Variants in RBFOX1 observed in about 807,000 individuals in gnomAD.
RBFOX1 encodes RNA binding fox-1 homolog 1.
In RBFOX1, 8 loss-of-function variants were observed where a neutral mutation model predicts 57.7. The ratio of observed to expected loss-of-function variants is 0.14; its 90% CI spans 0.08 to 0.25. The LOEUF (loss-of-function observed/expected upper bound fraction) is 0.25, where lower values mean the gene tolerates loss of function less well. Ranked by LOEUF, RBFOX1 falls within the 10% of genes least tolerant of loss-of-function variation. The pLI is 1.00. For synonymous variants in RBFOX1, 326 were observed against 222.4 expected (o/e 1.47, Z -4.15); for missense variants, 611 against 548.5 (o/e 1.11, Z -1.14).
Position 7,064,490 on chromosome 16 carries a change from A to T in RBFOX1, c.27+12392A>T, listed in dbSNP as rs74250043. ...GGCTGGGTGGTGTTCTTATAAGAAG[A>T]GGAGATTAGGACATAGACACGCACA... On this transcript the variant is annotated intron_variant, in intron 4 of 15. Coordinates refer to ENST00000550418, the MANE Select transcript of RBFOX1 (RefSeq NM_018723.4). Among the ~76,000 whole-genome samples, 1,293 of 152,068 alleles carry T rather than the reference A, an allele frequency of 8.5e-3. 13 individuals are homozygous for T. The highest frequency in any genetic ancestry group is 0.017 in the Middle Eastern group (5 of 294).
At chr16:6,631,371 A>C (rs898340401) in intron 2 of RBFOX1, among the ~76,000 whole-genome samples, 1 of 152,064 alleles carries the variant, frequency 6.6e-6, no homozygotes, top group Non-Finnish European at 1.5e-5. Flanking sequence ...GATGAAGTAG[A>C]AATATTTTTT....
At chr16:6,298,491 A>G (rs11645065) in intron 1 of RBFOX1, among the ~76,000 whole-genome samples, 46,478 of 152,196 alleles carry the variant, frequency 0.31, 7,801 homozygotes, top group Middle Eastern at 0.39. Context: ...AGTTTTCACA[A>G]TAATCAGAGA....
chr16:6,394,788 C>T (rs191397618), intron 2 of RBFOX1, among the ~76,000 whole-genome samples: 1 of 152,090 alleles, frequency 6.6e-6, no homozygotes, highest in Admixed American at 6.5e-5. Flanking sequence ...CAGCCACGAT[C>T]CCCAAGGAGC....
intron 3 of RBFOX1, among the ~76,000 whole-genome samples, chr16:5,828,231 C>T (rs1208995512): frequency 6.6e-6 from 1 of 152,116 alleles, no homozygotes; most frequent in Non-Finnish European, 1.5e-5. Flanking sequence ...GTCCATTCAA[C>T]CACCCACAAA....
intron 1 of RBFOX1, among the ~76,000 whole-genome samples, chr16:6,189,304 C>T (rs751985738): frequency 2.0e-5 from 3 of 152,166 alleles, no homozygotes; most frequent in Non-Finnish European, 2.9e-5. Context: ...CCCTGGAGTC[C>T]GCATCAGGAC....
At chr16:7,486,204 C>A (rs1057396413) in intron 4 of RBFOX1, among the ~76,000 whole-genome samples, 4 of 140,360 alleles carry the variant, frequency 2.8e-5, no homozygotes, top group African/African-American at 1.1e-4. Flanking sequence ...CTCGCTGCAA[C>A]CTCTGACTCC....
chr16:6,797,630 G>A (rs1336194791), intron 3 of RBFOX1, among the ~76,000 whole-genome samples: 1 of 152,116 alleles, frequency 6.6e-6, no homozygotes, highest in East Asian at 1.9e-4. Context: ...TAGCATACTG[G>A]GCACTGTATC....
intron 3 of RBFOX1, among the ~76,000 whole-genome samples, chr16:6,918,920 C>G (rs1029319505): frequency 1.1e-4 from 17 of 152,090 alleles, no homozygotes; most frequent in African/African-American, 4.1e-4. Context: ...TGGCTGTGAT[C>G]TAGTTACGCA....
At chr16:6,054,561 G>GACACC (rs1169120499) in intron 1 of RBFOX1, among the ~76,000 whole-genome samples, 5 of 152,140 alleles carry the variant, frequency 3.3e-5, no homozygotes, top group African/African-American at 1.2e-4. Flanking sequence ...ACACTGGGTT[G>GACACC]ACACCCTGAC....
rs1271872183 is a variant in RBFOX1, at chr16:6,991,161, A to AAAAAAAAAC, written c.-15-60895_-15-60894insAAAAAAACA. ...CAAAAAAAAAAAAAAAAAAAAAAAA[A>AAAAAAAAAC]AGACACGGTGGCGTGTACCTTTAGT... On this transcript the variant is annotated intron_variant, in intron 3 of 15. Transcript: ENST00000550418. Among the ~76,000 whole-genome samples the AAAAAAAAAC allele has an allele frequency of 4.0e-3, 563 of 139,868 alleles. 16 individuals are homozygous for AAAAAAAAAC. The highest frequency in any genetic ancestry group is 7.5e-3 in the Middle Eastern group (2 of 266). The allele number at this position is 139,868 out of a possible 152,430, so 91.8% of individuals were successfully genotyped here. A position where few individuals can be genotyped will look rare whatever the true frequency, so the allele number is the denominator to read the frequency against.
chr16:5,459,346 C>A (rs941436160), intron 1 of RBFOX1, among the ~76,000 whole-genome samples: 1 of 152,166 alleles, frequency 6.6e-6, no homozygotes, highest in Admixed American at 6.5e-5. Context: ...TGACTGCATC[C>A]CATGCAGTGT....
At chr16:6,219,209 C>T (rs1489578449) in intron 1 of RBFOX1, among the ~76,000 whole-genome samples, 2 of 152,206 alleles carry the variant, frequency 1.3e-5, no homozygotes, top group Non-Finnish European at 2.9e-5. Context: ...TGGCTCACAC[C>T]TGTAATCCCA....
chr16:7,300,721 T>A (rs1416972415), intron 4 of RBFOX1, among the ~76,000 whole-genome samples: 1 of 152,234 alleles, frequency 6.6e-6, no homozygotes, highest in Non-Finnish European at 1.5e-5. Flanking sequence ...TCTTTTAAAT[T>A]GCTGGCAAAG....
intron 3 of RBFOX1, among the ~76,000 whole-genome samples, chr16:5,774,276 C>A (rs1055543249): frequency 6.6e-6 from 1 of 152,150 alleles, no homozygotes; most frequent in African/African-American, 2.4e-5. Context: ...CACAGACCAA[C>A]ATTCCTTTTC....
At chr16:6,216,235 A>T (rs2097335101) in intron 1 of RBFOX1, among the ~76,000 whole-genome samples, 1 of 152,108 alleles carries the variant, frequency 6.6e-6, no homozygotes, top group Admixed American at 6.6e-5. Context: ...CCCATGACAC[A>T]AGTTTACCTA....
intron 4 of RBFOX1, among the ~76,000 whole-genome samples, chr16:5,978,456 C>T (rs1015288489): frequency 6.6e-6 from 1 of 152,166 alleles, no homozygotes; most frequent in Admixed American, 6.5e-5. Context: ...TAACGTCATC[C>T]ATCAACAGGG....
At chr16:5,689,940 G>A (rs995046920) in intron 3 of RBFOX1, among the ~76,000 whole-genome samples, 1 of 152,222 alleles carries the variant, frequency 6.6e-6, no homozygotes, top group South Asian at 2.1e-4. Context: ...TTGACCTGGA[G>A]ACGTAGAGCA....
In RBFOX1 at chr16:7,097,716, A is replaced by T. The variant is rs1346130909; in HGVS notation, c.27+45618A>T. Among the ~76,000 whole-genome samples the T allele has an allele frequency of 2.0e-5, 3 of 152,302 alleles. No individual in the cohort carries two copies. The East Asian group carries it at 5.8e-4, about 29-fold the overall frequency. ...ACCTGCTCCCCAAACTTGCACAATG[A>T]TTCCTTCACAGATGCTGAGTCAGCA... On this transcript the variant is annotated intron_variant, in intron 4 of 15. Transcript: ENST00000550418.
At chr16:7,703,447 C>G (rs960747195) in intron 14 of RBFOX1, among the ~76,000 whole-genome samples, 2 of 150,522 alleles carry the variant, frequency 1.3e-5, no homozygotes, top group Admixed American at 6.6e-5. Context: ...ATTCACCCAG[C>G]TATCTCTGGG....
Sources: gnomAD v4.1 joint callset for allele counts (sites outside exome capture counted in the v4.1 genomes callset) on GRCh38, gnomAD v4.1.1 for gene constraint, MANE v1.5 for transcripts, NCBI Gene and HGNC (gene_info 2026-07-23, HGNC 2026-07-21) for gene names.